Variants in LRMDA observed in about 807,000 individuals in gnomAD.
The protein encoded by LRMDA is leucine rich melanocyte differentiation associated.
Under a neutral mutation model 29.8 loss-of-function variants are expected in LRMDA, and 18 were observed. That is an observed-to-expected ratio of 0.60 (90% CI 0.42 to 0.90). LRMDA has a LOEUF of 0.90. Among genes scored for constraint, LRMDA ranks in the 40% least tolerant of loss-of-function variants. The pLI, the probability that LRMDA is intolerant of heterozygous loss-of-function variation, is 0.00. For synonymous variants in LRMDA, 125 were observed against 109.4 expected (o/e 1.14, Z -0.89); for missense variants, 273 against 273.9 (o/e 1.00, Z 0.02).
intron 2 of LRMDA, among the ~76,000 whole-genome samples, chr10:75,614,203 C>T (rs927502280): frequency 6.6e-6 from 1 of 152,090 alleles, no homozygotes; most frequent in Non-Finnish European, 1.5e-5. Flanking sequence ...CTTTTCTGGC[C>T]ATTCTTTCTC....
intron 2 of LRMDA, among the ~76,000 whole-genome samples, chr10:75,674,983 A>G (rs1458083511): frequency 6.6e-6 from 1 of 152,214 alleles, no homozygotes; most frequent in Non-Finnish European, 1.5e-5. Context: ...AGCCTTTTGC[A>G]GCAGCCTTTT....
At chr10:76,206,428 C>A (rs1851538412) in intron 5 of LRMDA, among the ~76,000 whole-genome samples, 1 of 152,340 alleles carries the variant, frequency 6.6e-6, no homozygotes, top group South Asian at 2.1e-4. Context: ...TAATAAATTA[C>A]AGTAGTACAG....
chr10:75,859,139 T>A (rs1354766166), intron 2 of LRMDA, among the ~76,000 whole-genome samples: 2 of 152,218 alleles, frequency 1.3e-5, no homozygotes, highest in African/African-American at 4.8e-5. Flanking sequence ...ATTTTGGGTG[T>A]TGGTCATTTT....
At chr10:75,458,109 G>C (rs772930516) in intron 2 of LRMDA, among the ~76,000 whole-genome samples, 5 of 152,158 alleles carry the variant, frequency 3.3e-5, no homozygotes, top group African/African-American at 4.8e-5. Flanking sequence ...AATCTCTGTT[G>C]TCATTCTCCA....
intron 2 of LRMDA, among the ~76,000 whole-genome samples, chr10:75,702,732 G>A (rs527518870): frequency 6.6e-6 from 1 of 152,322 alleles, no homozygotes; most frequent in East Asian, 1.9e-4. Context: ...AAGAGTTATA[G>A]GCAATTACAG....
At chr10:75,970,538 G>A (rs907512897) in intron 2 of LRMDA, among the ~76,000 whole-genome samples, 5 of 152,204 alleles carry the variant, frequency 3.3e-5, no homozygotes, top group African/African-American at 1.2e-4. Flanking sequence ...AATTGCTTGG[G>A]TCCCACTGTG....
chr10:76,309,552 G>A (rs967078796), intron 5 of LRMDA, among the ~76,000 whole-genome samples: 1 of 152,140 alleles, frequency 6.6e-6, no homozygotes, highest in Admixed American at 6.5e-5. Context: ...TATTAAAATA[G>A]GGCAAAAGGG....
chr10:75,682,318 G>A (rs1242062450), intron 2 of LRMDA, among the ~76,000 whole-genome samples: 1 of 152,144 alleles, frequency 6.6e-6, no homozygotes, highest in Admixed American at 6.5e-5. Context: ...AACAATGAAT[G>A]GCAATATTGT....
chr10:75,829,335 C>T (rs1319129068), intron 2 of LRMDA, among the ~76,000 whole-genome samples: 1 of 152,190 alleles, frequency 6.6e-6, no homozygotes, highest in Non-Finnish European at 1.5e-5. Context: ...AGGAGCAAAG[C>T]AGCCTGGATC....
intron 5 of LRMDA, among the ~76,000 whole-genome samples, chr10:76,141,129 A>G (rs1850191062): frequency 6.6e-6 from 1 of 152,056 alleles, no homozygotes; most frequent in Non-Finnish European, 1.5e-5. Flanking sequence ...CTAATCTATT[A>G]TCAGTTTCTT....
chr10:76,526,514 G>A (rs1223692492), intron 6 of LRMDA, among the ~76,000 whole-genome samples: 1 of 152,056 alleles, frequency 6.6e-6, no homozygotes, highest in African/African-American at 2.4e-5. Flanking sequence ...TCATTACCCA[G>A]ATCATGTCAT....
At chr10:75,913,413 G>A (rs1257123444) in intron 2 of LRMDA, among the ~76,000 whole-genome samples, 1 of 152,242 alleles carries the variant, frequency 6.6e-6, no homozygotes, top group Non-Finnish European at 1.5e-5. Flanking sequence ...CCAAGATCGC[G>A]CCACTGCACT....
chr10:76,525,047 T>A lies in LRMDA; in HGVS notation c.602-32162T>A, dbSNP rs545984958. ...GTCCTCTTCAGTGTCTGAGGGCACA[T>A]TCAATGGCAGGGCTTGGAAGAAAAT... On this transcript the variant is annotated intron_variant, in intron 6 of 6. Transcript: ENST00000611255. 3.3e-5 allele frequency among the ~76,000 whole-genome samples: 5 copies of A among 152,272 alleles called. No individual in the cohort carries two copies. The East Asian group carries it at 9.6e-4, about 29-fold the overall frequency.
At chr10:75,597,144 T>C (rs573030558) in intron 2 of LRMDA, among the ~76,000 whole-genome samples, 5 of 152,122 alleles carry the variant, frequency 3.3e-5, no homozygotes, top group Non-Finnish European at 7.4e-5. Flanking sequence ...AAACCATGCC[T>C]AAAAATCATC....
intron 2 of LRMDA, among the ~76,000 whole-genome samples, chr10:75,858,235 T>C (rs189898315): frequency 6.6e-6 from 1 of 152,282 alleles, no homozygotes; most frequent in Non-Finnish European, 1.5e-5. Context: ...ATCACCGCAG[T>C]AAGTGGCAGT....
intron 2 of LRMDA, among the ~76,000 whole-genome samples, chr10:75,530,935 T>A (rs1268956235): frequency 1.3e-5 from 2 of 152,194 alleles, no homozygotes; most frequent in East Asian, 3.9e-4. Context: ...TAACTAATAG[T>A]TCACTATTAG....
chr10:76,470,480 A>C (rs1842606973), intron 6 of LRMDA: 1 of 152,118 alleles, frequency 6.6e-6, no homozygotes, highest in Non-Finnish European at 1.5e-5. Flanking sequence ...ACATGGACAA[A>C]AGGTAGAAAC....
intron 5 of LRMDA, among the ~76,000 whole-genome samples, chr10:76,077,992 ATTTTTTTTTTTTTTTTTTTTTTTT>A (rs756023731): frequency 4.2e-5 from 2 of 48,048 alleles, no homozygotes; most frequent in Non-Finnish European, 7.3e-5. Flanking sequence ...CAATATTAAC[ATTTTTTTTTTTTTTTTTTTTTTTT>A]TTTTTTTTTT....
At chr10:75,998,382 C>A (rs1380489802) in intron 2 of LRMDA, among the ~76,000 whole-genome samples, 1 of 152,186 alleles carries the variant, frequency 6.6e-6, no homozygotes, top group Non-Finnish European at 1.5e-5. Context: ...GCCTCATCAC[C>A]TGGCCTCTGG....
Sources: gnomAD v4.1 joint callset for allele counts (sites outside exome capture counted in the v4.1 genomes callset) on GRCh38, gnomAD v4.1.1 for gene constraint, MANE v1.5 for transcripts, NCBI Gene and HGNC (gene_info 2026-07-23, HGNC 2026-07-21) for gene names.